DDX24: variants seen among roughly 807,000 people sequenced by gnomAD.
DDX24 encodes the protein ATP-dependent RNA helicase DDX24.
Under a neutral mutation model 68.9 loss-of-function variants are expected in DDX24, and 24 were observed. The observed-to-expected ratio is 0.35, with a 90% CI of 0.25 to 0.49. The LOEUF (loss-of-function observed/expected upper bound fraction) is 0.49, where lower values mean the gene tolerates loss of function less well. DDX24 is among the 20% of genes least tolerant of loss of function. The pLI is 0.99. For synonymous variants in DDX24, 395 were observed against 385.2 expected (o/e 1.03, Z -0.30); for missense variants, 989 against 1,039.0 (o/e 0.95, Z 0.66).
At position 94,060,612 on chromosome 14, in the gene DDX24, A is replaced by C. The variant is rs776692238; in HGVS notation, c.1399T>G (p.Cys467Gly). The change falls in exon 5 of 9, where the codon TGC becomes GGC. Residue 467 changes from cysteine to glycine, a missense_variant and splice_region_variant. Cys to Gly is a radical substitution (Grantham distance 159, BLOSUM62 -3). Around this residue, in one of 3 missense-constraint regions of DDX24, gnomAD observed 691 missense variants for 760.0 expected, o/e 0.91. Transcript: ENST00000621632. ...CGGTCAGCCTCATCCACTACCAGGC[A>C]CCTGCAGATCCAGAGAGACCCATAT... ...YHLRNLRQLR[C>G]LVVDEADRMV... 3.1e-6 allele frequency: 5 copies of C among 1,612,228 alleles called. No individual in the cohort carries two copies. Among genetic ancestry groups the C allele is most frequent in the Non-Finnish European group, 4.2e-6 (5 of 1,178,754 alleles).
At position 94,062,602 on chromosome 14, in the gene DDX24, G is replaced by A; in HGVS notation, c.738C>T (p.Ala246=). ...CCGCATGAATCATTGGGATGGCAAA[G>A]GCAAGAGTTTTCCCACTTCCTTAAA... ...AAETGSGKTL[A]FAIPMIHAVL... Residue 246 remains alanine, a synonymous_variant, in exon 3 of 9, where the codon GCC becomes GCT. Transcript: ENST00000621632. 1.3e-6 allele frequency: 2 copies of A among 1,595,508 alleles called. No homozygotes were observed. Among genetic ancestry groups the A allele is most frequent in the Non-Finnish European group, 1.7e-6 (2 of 1,172,068 alleles).
intron 2 of DDX24, among the ~76,000 whole-genome samples, chr14:94,071,531 C>T (rs554193485): frequency 6.6e-6 from 1 of 152,260 alleles, no homozygotes; most frequent in Non-Finnish European, 1.5e-5. Flanking sequence ...CACCTGTAAT[C>T]CCAGCTACTT....
At position 94,079,745 on chromosome 14, in the gene DDX24, T is replaced by C. The variant is rs1341199112; in HGVS notation, c.-3A>G. The C allele has an allele frequency of 1.2e-6, 2 of 1,612,462 alleles. No individual in the cohort carries two copies. The highest frequency in any genetic ancestry group is 1.3e-5 in the African/African-American group (1 of 74,886). Reference sequence around the variant, plus strand: ...GATTTTGTGTCCTTCAACTTCATGGTTGCTGAAAAGGAGATACATGTTCTA... The same window carrying C: ...GATTTTGTGTCCTTCAACTTCATGGCTGCTGAAAAGGAGATACATGTTCTA... On this transcript the variant is annotated splice_region_variant and 5_prime_UTR_variant, in exon 2 of 9. Coordinates refer to ENST00000621632, the MANE Select transcript of DDX24 (RefSeq NM_020414.4).
At chr14:94,055,209 C>A in intron 6 of DDX24, 25 bp from the exon 7 acceptor site, 1 of 1,605,026 alleles carries the variant, frequency 6.2e-7, no homozygotes, top group South Asian at 1.1e-5. Flanking sequence ...ACTGGGAGAT[C>A]AATACATGGC....
At chr14:94,080,760 G>A (rs1180252831) in intron 1 of DDX24, among the ~76,000 whole-genome samples, 2 of 152,152 alleles carry the variant, frequency 1.3e-5, no homozygotes, top group African/African-American at 4.8e-5. Context: ...AGGAGAGGGC[G>A]AGGGGTGCCA....
At chr14:94,076,700 A>C (rs74695533) in intron 2 of DDX24, among the ~76,000 whole-genome samples, 1 of 151,038 alleles carries the variant, frequency 6.6e-6, no homozygotes, top group Admixed American at 6.6e-5. Flanking sequence ...AAAAAAAAGA[A>C]AGCAAGAAAA....
Position 94,060,472 on chromosome 14 carries a change from C to T in DDX24, c.1539G>A (p.Val513=). 1 of 1,614,160 alleles carries T rather than the reference C, an allele frequency of 6.2e-7. No homozygotes were observed. The stretch of plus-strand genomic sequence containing the variant: ...GAAGGATTCGAGCAGGAGCCTGATG[C>T]ACCAGGGTGAGTGTGGCAGAAAAAA... ...TLVFSATLTL[V]HQAPARILHK... Residue 513 remains valine, a synonymous_variant, in exon 5 of 9, where the codon GTG becomes GTA. Coordinates refer to ENST00000621632, the MANE Select transcript of DDX24 (RefSeq NM_020414.4).
At chr14:94,055,206 G>C in intron 6 of DDX24, 22 bp from the exon 7 acceptor site, 1 of 1,607,502 alleles carries the variant, frequency 6.2e-7, no homozygotes, top group Non-Finnish European at 8.5e-7. Context: ...AGAACTGGGA[G>C]ATCAATACAT....
chr14:94,069,450 C>T (rs925514834), intron 2 of DDX24, among the ~76,000 whole-genome samples: 3 of 152,198 alleles, frequency 2.0e-5, no homozygotes, highest in Non-Finnish European at 2.9e-5. Context: ...GAACTGGTCC[C>T]AATCCTTTTG....
intron 2 of DDX24, among the ~76,000 whole-genome samples, chr14:94,066,294 A>G (rs1437944482): frequency 1.3e-5 from 2 of 152,086 alleles, no homozygotes; most frequent in Non-Finnish European, 2.9e-5. Context: ...ACACAACTCC[A>G]GTGACCTGGG....
chr14:94,057,983 T>C, intron 5 of DDX24, 86 bp from the exon 6 acceptor site: 1 of 1,240,182 alleles, frequency 8.1e-7, no homozygotes, highest in South Asian at 1.3e-5. Flanking sequence ...TCCTAAACAT[T>C]ACAGTCCTTA....
chr14:94,060,522 A>G lies in DDX24; in HGVS notation c.1489T>C (p.Tyr497His). ...ACAAGCGTTTGTCTCTTTGGGTTGT[A>G]TTGGGAGTCATTGAGCATCTCTAGC... ...QLLEMLNDSQ[Y>H]NPKRQTLVFS... Residue 497 changes from tyrosine to histidine, a missense_variant, in exon 5 of 9, where the codon TAC becomes CAC. This residue lies in a region of DDX24 where 691 missense variants were observed against 760.0 expected (regional missense o/e 0.91). Coordinates refer to ENST00000621632, the MANE Select transcript of DDX24 (RefSeq NM_020414.4). 6.2e-7 allele frequency: 1 copy of G among 1,614,090 alleles called. No homozygotes were observed. The highest frequency in any genetic ancestry group is 8.5e-7 in the Non-Finnish European group (1 of 1,180,020).
chr14:94,057,760 T>G (rs1885516911), intron 6 of DDX24, 62 bp downstream of exon 6: 2 of 1,535,002 alleles, frequency 1.3e-6, no homozygotes, highest in Non-Finnish European at 1.8e-6. Context: ...TCCCCCAACC[T>G]TTGCCTTAAA....
Position 94,060,471 on chromosome 14 carries a change from G to A in DDX24, c.1540C>T (p.His514Tyr). 6.2e-7 allele frequency: 1 copy of A among 1,614,178 alleles called. No homozygotes were observed. Among genetic ancestry groups the A allele is most frequent in the Non-Finnish European group, 8.5e-7 (1 of 1,180,044 alleles). The change falls in exon 5 of 9, where the codon CAT becomes TAT. Residue 514 changes from histidine (H) to tyrosine (Y), a missense_variant. His to Tyr is a moderately conservative substitution (Grantham distance 83). This residue lies in a region of DDX24 where 691 missense variants were observed against 760.0 expected (regional missense o/e 0.91). Coordinates refer to ENST00000621632, the MANE Select transcript of DDX24 (RefSeq NM_020414.4). ...LVFSATLTLVHQAPARILHKK... is the reference protein window; with the variant it reads ...LVFSATLTLVYQAPARILHKK... ...TGAAGGATTCGAGCAGGAGCCTGAT[G>A]CACCAGGGTGAGTGTGGCAGAAAAA...
At chr14:94,054,692 A>G (rs1885458301) in intron 7 of DDX24, among the ~76,000 whole-genome samples, 1 of 152,150 alleles carries the variant, frequency 6.6e-6, no homozygotes, top group Non-Finnish European at 1.5e-5. Context: ...ACTGTCTACA[A>G]CCCTCTGACA....
intron 2 of DDX24, among the ~76,000 whole-genome samples, chr14:94,063,112 A>G (rs1181295864): frequency 2.0e-5 from 3 of 152,238 alleles, no homozygotes; most frequent in Non-Finnish European, 4.4e-5. Flanking sequence ...GGTCAAAACA[A>G]AACATCTCAG....
chr14:94,051,506 A>G (rs918455393), intron 8 of DDX24, 44 bp from the exon 9 acceptor site: 1 of 1,496,260 alleles, frequency 6.7e-7, no homozygotes, highest in Middle Eastern at 1.8e-4. Flanking sequence ...TATGGTTTGT[A>G]GAAACATTTT....
chr14:94,077,963 C>A (rs1020168982), intron 2 of DDX24, among the ~76,000 whole-genome samples: 1 of 151,388 alleles, frequency 6.6e-6, no homozygotes, highest in Admixed American at 6.6e-5. Context: ...ATGTGTTTCA[C>A]ATTATACAGT....
intron 1 of DDX24, 50 bp from the exon 2 acceptor site, chr14:94,079,797 G>A: frequency 2.0e-6 from 3 of 1,520,984 alleles, no homozygotes; most frequent in Admixed American, 1.8e-5. Flanking sequence ...GAAGCAGAGG[G>A]TTCTGATGTA....
Sources: gnomAD v4.1 joint callset for allele counts (sites outside exome capture counted in the v4.1 genomes callset) on GRCh38, gnomAD v4.1.1 for gene constraint, gnomAD v4.1.1 regional missense constraint, MANE v1.5 for transcripts, NCBI Gene and HGNC (gene_info 2026-07-23, HGNC 2026-07-21) for gene names.